BTG4: variants seen among roughly 807,000 people sequenced by gnomAD.
The protein encoded by BTG4 is protein BTG4.
BTG4 carries 10 observed loss-of-function variants against 19.3 expected under a neutral mutation model. The observed-to-expected ratio is 0.52, with a 90% CI of 0.32 to 0.88. The LOEUF (loss-of-function observed/expected upper bound fraction) is 0.88. Among genes scored for constraint, BTG4 ranks in the 40% least tolerant of loss-of-function variants. The pLI, the probability that BTG4 is intolerant of heterozygous loss-of-function variation, is 0.04. For missense variants in BTG4, 238 were observed against 281.9 expected (o/e 0.84, Z 1.11); for synonymous variants, 91 against 95.7 (o/e 0.95, Z 0.29).
Position 111,494,917 on chromosome 11 carries a change from A to G in BTG4, c.*218T>C. On this transcript the variant is annotated 3_prime_UTR_variant, in exon 5 of 5. Transcript: ENST00000692032. ...TTCTGTTACCTTACTGGGTACATTC[A>G]CTGATGTTACATAAAACTTCATGTA... The G allele has an allele frequency of 3.0e-6, 3 of 984,872 alleles. No homozygotes were observed. Among genetic ancestry groups the G allele is most frequent in the Non-Finnish European group, 3.6e-6 (3 of 829,424 alleles). 61.0% of individuals were successfully genotyped at this position (984,872 alleles called of 1,614,324 possible). A position where few individuals can be genotyped will look rare whatever the true frequency, so the allele number is the denominator to read the frequency against.
chr11:111,466,197 A>T (rs1169158913), downstream of BTG4, among the ~76,000 whole-genome samples: 1 of 152,134 alleles, frequency 6.6e-6, no homozygotes, highest in Non-Finnish European at 1.5e-5. Flanking sequence ...GTCTTATAGA[A>T]CCTGGGCCAG....
chr11:111,510,558 A>C (rs1243070477), intron 1 of BTG4, among the ~76,000 whole-genome samples: 1 of 152,184 alleles, frequency 6.6e-6, no homozygotes, highest in Non-Finnish European at 1.5e-5. Context: ...CCTAGACATG[A>C]ACCATAAAGG....
Position 111,494,844 on chromosome 11 carries a change from C to T in BTG4, c.*291G>A. On this transcript the variant is annotated 3_prime_UTR_variant, in exon 5 of 5. Coordinates refer to ENST00000692032, the MANE Select transcript of BTG4 (RefSeq NM_001367975.1). ...AAAAACACTGTACGTTTATTTAAAC[C>T]ATTACTTTTCATAATTCATTGAGTC... 1.0e-6 allele frequency: 1 copy of T among 963,746 alleles called. No homozygotes were observed. 59.7% of individuals were successfully genotyped at this position (963,746 alleles called of 1,614,324 possible). A position where few individuals can be genotyped will look rare whatever the true frequency, so the allele number is the denominator to read the frequency against.
At chr11:111,468,170 G>A (rs1863830759) in intron 5 of BTG4, among the ~76,000 whole-genome samples, 1 of 152,158 alleles carries the variant, frequency 6.6e-6, no homozygotes, top group South Asian at 2.1e-4. Context: ...AGGTTGTTGG[G>A]GGGTTTAATA....
chr11:111,490,536 T>C (rs576558880), downstream of BTG4, among the ~76,000 whole-genome samples: 16 of 152,324 alleles, frequency 1.1e-4, no homozygotes, highest in African/African-American at 3.6e-4. Flanking sequence ...CACCAGTGTC[T>C]AGAATATATC....
chr11:111,409,011 A>C, the BTG4 span, among the ~76,000 whole-genome samples: 1 of 152,222 alleles, frequency 6.6e-6, no homozygotes, highest in Non-Finnish European at 1.5e-5. Flanking sequence ...GAAAAGAAGA[A>C]GTGGGAATTG....
the BTG4 span, chr11:111,458,280 T>C: frequency 7.0e-6 from 1 of 142,568 alleles, no homozygotes; most frequent in Admixed American, 7.5e-5. Context: ...GGGCCCAGAA[T>C]GACCTGGTGC....
chr11:111,478,972 T>TTC (rs1864567359), intron 5 of BTG4, among the ~76,000 whole-genome samples: 1 of 5,828 alleles, frequency 1.7e-4, no homozygotes, highest in Admixed American at 7.9e-3. Flanking sequence ...AGCTGAAAAC[T>TTC]TTCCAAATTT....
chr11:111,472,442 G>A (rs888637611), intron 5 of BTG4, among the ~76,000 whole-genome samples: 16 of 152,200 alleles, frequency 1.1e-4, no homozygotes, highest in Admixed American at 5.9e-4. Flanking sequence ...CTCAGGAGAA[G>A]GGGTTGCCAC....
intron 5 of BTG4, among the ~76,000 whole-genome samples, chr11:111,488,217 T>C (rs1159840127): frequency 2.0e-5 from 3 of 152,336 alleles, no homozygotes; most frequent in African/African-American, 7.2e-5. Context: ...TACAGAGCTA[T>C]AGTAACCAAA....
At chr11:111,412,353 T>C in the BTG4 span, among the ~76,000 whole-genome samples, 5 of 150,530 alleles carry the variant, frequency 3.3e-5, no homozygotes, top group Non-Finnish European at 7.4e-5. Context: ...TTCTTAAAGT[T>C]TACTATCTGT....
At chr11:111,402,337 G>C in the BTG4 span, among the ~76,000 whole-genome samples, 424 of 152,204 alleles carry the variant, frequency 2.8e-3, 2 homozygotes, top group African/African-American at 9.9e-3. Context: ...TATTAGCAGT[G>C]TGATTAATAC....
chr11:111,437,967 C>T, the BTG4 span, among the ~76,000 whole-genome samples: 1 of 152,204 alleles, frequency 6.6e-6, no homozygotes, highest in African/African-American at 2.4e-5. Flanking sequence ...CCCATAGCCC[C>T]CCAAGCAGAG....
chr11:111,430,578 T>C, the BTG4 span, among the ~76,000 whole-genome samples: 3 of 152,192 alleles, frequency 2.0e-5, no homozygotes, highest in African/African-American at 7.2e-5. Context: ...TATTTAGGAA[T>C]AAAATGGGAG....
the BTG4 span, chr11:111,451,326 C>G: frequency 6.9e-6 from 3 of 433,058 alleles, no homozygotes; most frequent in South Asian, 4.8e-5. Context: ...GCTCTATGAG[C>G]AAAGCCTCAG....
intron 5 of BTG4, among the ~76,000 whole-genome samples, chr11:111,468,633 G>A (rs1863871410): frequency 6.6e-6 from 1 of 152,198 alleles, no homozygotes; most frequent in African/African-American, 2.4e-5. Flanking sequence ...GAACAAGAGA[G>A]TTACTTCAAA....
chr11:111,409,186 T>G, the BTG4 span, among the ~76,000 whole-genome samples: 2 of 152,064 alleles, frequency 1.3e-5, no homozygotes, highest in South Asian at 2.1e-4. Flanking sequence ...GGAGAAAAAT[T>G]TAAAAGTCAC....
chr11:111,500,308 T>C (rs1380122278), intron 1 of BTG4, among the ~76,000 whole-genome samples: 1 of 152,212 alleles, frequency 6.6e-6, no homozygotes, highest in African/African-American at 2.4e-5. Flanking sequence ...TGACATACGT[T>C]AAGTCTTTAA....
At chr11:111,394,493 C>G in the BTG4 span, among the ~76,000 whole-genome samples, 10 of 152,314 alleles carry the variant, frequency 6.6e-5, no homozygotes, top group South Asian at 1.7e-3. Context: ...GTAAGACATG[C>G]CTTTGCCTTC....
Sources: allele counts gnomAD v4.1 joint callset (sites outside exome capture counted in the v4.1 genomes callset), GRCh38; gene constraint gnomAD v4.1.1; transcripts MANE v1.5; gene names NCBI Gene and HGNC (gene_info 2026-07-23, HGNC 2026-07-21).